The following CNTNAP2 variants were observed in gnomAD, a reference collection of about 807,000 sequenced individuals.
CNTNAP2 encodes the protein contactin associated protein 2, also known as contactin-associated protein-like 2.
Under a neutral mutation model 155.2 loss-of-function variants are expected in CNTNAP2, and 98 were observed. The observed-to-expected ratio is 0.63, with a 90% CI of 0.54 to 0.75. The LOEUF (loss-of-function observed/expected upper bound fraction) is 0.75. Among genes scored for constraint, CNTNAP2 ranks in the 30% least tolerant of loss-of-function variants. The pLI, the probability that CNTNAP2 is intolerant of heterozygous loss-of-function variation, is 0.00. For missense variants in CNTNAP2, 1,727 were observed against 1,688.1 expected, an observed-to-expected ratio of 1.02 and a Z score of -0.40; for synonymous variants, 651 against 631.2, an observed-to-expected ratio of 1.03 and a Z score of -0.47.
chr7:147,985,166 C>T (rs1173759518), intron 15 of CNTNAP2, among the ~76,000 whole-genome samples: 1 of 150,732 alleles, frequency 6.6e-6, no homozygotes, highest in Non-Finnish European at 1.5e-5. Context: ...ACAAGTTCAT[C>T]TCTGTTCCTA....
intron 1 of CNTNAP2, among the ~76,000 whole-genome samples, chr7:146,210,621 T>C (rs1002012012): frequency 2.4e-4 from 36 of 152,262 alleles, no homozygotes; most frequent in African/African-American, 8.2e-4. Flanking sequence ...ACTGTTAATA[T>C]AGTTTTCCAC....
rs558944462 is a variant in CNTNAP2, at chr7:147,101,072, T to C, written c.551-7075T>C. Among the ~76,000 whole-genome samples, 9 of 152,238 alleles carry C rather than the reference T, an allele frequency of 5.9e-5. No individual in the cohort carries two copies. The South Asian group carries it at 1.7e-3, about 28-fold the overall frequency. On this transcript the variant is annotated intron_variant, in intron 4 of 23. Transcript: ENST00000361727. Reference sequence around the variant, plus strand: ...GGCTGCTCACTGAAGAAAGTGAGCATAGCCCGAGGAAAGGTGCTATGTGAA... The same window carrying C: ...GGCTGCTCACTGAAGAAAGTGAGCACAGCCCGAGGAAAGGTGCTATGTGAA...
chr7:146,872,822 G>A (rs1392251044), intron 3 of CNTNAP2, among the ~76,000 whole-genome samples: 2 of 152,130 alleles, frequency 1.3e-5, no homozygotes, highest in Admixed American at 1.3e-4. Context: ...TATAATTTAA[G>A]CAAATTGTCA....
intron 15 of CNTNAP2, among the ~76,000 whole-genome samples, chr7:148,109,530 A>G (rs955510877): frequency 3.3e-5 from 5 of 152,082 alleles, no homozygotes; most frequent in African/African-American, 1.2e-4. Context: ...GATTACAGGC[A>G]TGCACCATCA....
rs763419157 is a variant in CNTNAP2 at position 147,132,443 on chromosome 7, G to A, written c.1282G>A (p.Glu428Lys). The A allele has an allele frequency of 2.5e-6, 4 of 1,613,680 alleles. No individual in the cohort carries two copies. The change falls in exon 8 of 24, where the codon GAA (glutamate) becomes AAA (lysine). Residue 428 changes from glutamate (E) to lysine (K), a missense_variant. Transcript: ENST00000361727. Reference sequence around the variant, plus strand: ...GGGCAATGTGGAGATTGACCTCACTGAAAGCAAAGTGGGTGTTCACATCAA... The same window carrying A: ...GGGCAATGTGGAGATTGACCTCACTAAAAGCAAAGTGGGTGTTCACATCAA... ...NLGNVEIDLT[E>K]SKVGVHINIT...
intron 21 of CNTNAP2, among the ~76,000 whole-genome samples, chr7:148,360,038 A>T (rs1402939581): frequency 6.6e-6 from 1 of 152,214 alleles, no homozygotes; most frequent in Non-Finnish European, 1.5e-5. Flanking sequence ...CCTTTAGAAC[A>T]TGGCAAAAAC....
At chr7:147,509,851 T>C (rs1798983845) in intron 11 of CNTNAP2, among the ~76,000 whole-genome samples, 1 of 152,116 alleles carries the variant, frequency 6.6e-6, no homozygotes, top group Non-Finnish European at 1.5e-5. Context: ...TGGGTACTTC[T>C]GGGAATTGAA....
intron 3 of CNTNAP2, among the ~76,000 whole-genome samples, chr7:146,921,502 G>T (rs1469891647): frequency 6.6e-6 from 1 of 152,074 alleles, no homozygotes; most frequent in East Asian, 1.9e-4. Context: ...TAAAATAGGG[G>T]TTTAATCGAC....
intron 11 of CNTNAP2, among the ~76,000 whole-genome samples, chr7:147,536,841 A>G (rs1799550125): frequency 6.6e-6 from 1 of 152,236 alleles, no homozygotes; most frequent in South Asian, 2.1e-4. Flanking sequence ...CAGGCCTTGA[A>G]CATAGCTTCA....
rs1304294324 is a variant in CNTNAP2, at chr7:146,758,015, C to T, written c.98-16256C>T. 3.3e-5 allele frequency among the ~76,000 whole-genome samples: 5 copies of T among 152,120 alleles called. No individual in the cohort carries two copies. The East Asian group carries it at 9.7e-4, about 29-fold the overall frequency. On this transcript the variant is annotated intron_variant, in intron 1 of 23. Coordinates refer to ENST00000361727, the MANE Select transcript of CNTNAP2 (RefSeq NM_014141.6). ...TCTCTGAGAAAGCTTCAAAACCAAA[C>T]AGTGTTTATTTTTTGTAATGACATT...
At chr7:146,471,939 G>A (rs1796804933) in intron 1 of CNTNAP2, among the ~76,000 whole-genome samples, 3 of 152,140 alleles carry the variant, frequency 2.0e-5, no homozygotes, top group Admixed American at 2.0e-4. Flanking sequence ...AACAGATTCT[G>A]TCAGTTTCCC....
At chr7:147,634,969 G>T (rs1440478371) in intron 12 of CNTNAP2, among the ~76,000 whole-genome samples, 1 of 152,058 alleles carries the variant, frequency 6.6e-6, no homozygotes, top group East Asian at 1.9e-4. Flanking sequence ...GAAAATTCCA[G>T]AATTAGAACA....
intron 13 of CNTNAP2, among the ~76,000 whole-genome samples, chr7:147,879,104 A>C (rs1025111246): frequency 4.6e-5 from 7 of 152,198 alleles, no homozygotes; most frequent in African/African-American, 1.2e-4. Context: ...CCCTTATACA[A>C]TGTATGGTAC....
chr7:146,874,815 A>G (rs1339283461), intron 3 of CNTNAP2, among the ~76,000 whole-genome samples: 2 of 152,232 alleles, frequency 1.3e-5, no homozygotes, highest in African/African-American at 4.8e-5. Context: ...ATCACCTGAA[A>G]GTCATTTCTG....
At chr7:148,226,790 T>A (rs10238872) in intron 19 of CNTNAP2, among the ~76,000 whole-genome samples, 16,798 of 152,222 alleles carry the variant, frequency 0.11, 1,926 homozygotes, top group African/African-American at 0.29. Flanking sequence ...ACTATGCCAA[T>A]GTATAAAACC....
chr7:147,539,378 G>C (rs1799601659), intron 11 of CNTNAP2, among the ~76,000 whole-genome samples: 1 of 152,144 alleles, frequency 6.6e-6, no homozygotes, highest in Admixed American at 6.5e-5. Flanking sequence ...TAAAGGTTAA[G>C]TGATGTGCTG....
chr7:146,869,466 A>G (rs922865389), intron 3 of CNTNAP2, among the ~76,000 whole-genome samples: 9 of 152,110 alleles, frequency 5.9e-5, no homozygotes, highest in Non-Finnish European at 1.3e-4. Flanking sequence ...AATAGGATGT[A>G]TGTATATTTG....
At chr7:146,302,842 C>T (rs1260119491) in intron 1 of CNTNAP2, among the ~76,000 whole-genome samples, 1 of 152,112 alleles carries the variant, frequency 6.6e-6, no homozygotes, top group Non-Finnish European at 1.5e-5. Flanking sequence ...AGAAATTCAT[C>T]TCTGGAGACA....
At chr7:147,113,792 G>T (rs1290323820) in intron 5 of CNTNAP2, among the ~76,000 whole-genome samples, 14 of 151,956 alleles carry the variant, frequency 9.2e-5, no homozygotes, top group Admixed American at 7.9e-4. Flanking sequence ...GGATTTTTTT[G>T]TGTGTGCCTC....
Sources: allele counts gnomAD v4.1 joint callset (sites outside exome capture counted in the v4.1 genomes callset), GRCh38; gene constraint gnomAD v4.1.1; transcripts MANE v1.5; gene names NCBI Gene and HGNC (gene_info 2026-07-23, HGNC 2026-07-21).